Variants in EDARADD observed in about 807,000 individuals in gnomAD.
EDARADD encodes the protein EDAR associated via death domain.
A neutral mutation model predicts 25.6 loss-of-function variants in EDARADD; 20 were observed. That is an observed-to-expected ratio of 0.78 (90% CI 0.55 to 1.14). EDARADD has a LOEUF of 1.14. Ranked by LOEUF, EDARADD falls within the 50% of genes most tolerant of loss-of-function variation. The probability of loss-of-function intolerance (pLI) is 0.00; values close to 1 mark genes in which losing one functional copy is unlikely to be tolerated. For missense variants in EDARADD, 225 were observed against 270.1 expected, an observed-to-expected ratio of 0.83 and a Z score of 1.17; for synonymous variants, 86 against 94.4, an observed-to-expected ratio of 0.91 and a Z score of 0.52.
intron 3 of EDARADD, among the ~76,000 whole-genome samples, chr1:236,363,004 AAAATATAT>A (rs1378599201): frequency 1.9e-4 from 11 of 58,408 alleles, no homozygotes; most frequent in East Asian, 1.7e-3. Context: ...AAAAAAAAAA[AAAATATAT>A]ATATATATAT....
intron 5 of EDARADD, among the ~76,000 whole-genome samples, chr1:236,474,543 C>T (rs1659451683): frequency 6.6e-6 from 1 of 152,204 alleles, no homozygotes; most frequent in Non-Finnish European, 1.5e-5. Flanking sequence ...CAACAACCCT[C>T]TCCTCTCCAA....
chr1:236,435,428 A>G (rs1020040613), intron 4 of EDARADD, among the ~76,000 whole-genome samples: 4 of 152,202 alleles, frequency 2.6e-5, no homozygotes, highest in Non-Finnish European at 1.5e-5. Flanking sequence ...TGTATCTTCA[A>G]TGCCTACTAC....
chr1:236,405,828 T>TC (rs1558112668), intron 1 of EDARADD, among the ~76,000 whole-genome samples: 4 of 28,998 alleles, frequency 1.4e-4, no homozygotes, highest in Admixed American at 3.8e-4. Context: ...TTCCTTTCCT[T>TC]CCTTCCTTCC....
intron 5 of EDARADD, among the ~76,000 whole-genome samples, chr1:236,471,426 T>C (rs77061245): frequency 1.3e-5 from 2 of 151,826 alleles, no homozygotes; most frequent in African/African-American, 4.8e-5. Context: ...CAGAAACTTA[T>C]ATTTTAAATA....
chr1:236,397,109 A>G (rs1667529841), intron 1 of EDARADD, among the ~76,000 whole-genome samples: 1 of 152,092 alleles, frequency 6.6e-6, no homozygotes, highest in Non-Finnish European at 1.5e-5. Flanking sequence ...CAGTGACCAC[A>G]GTGTGTAAAA....
chr1:236,460,432 C>T (rs1224840571), intron 4 of EDARADD, among the ~76,000 whole-genome samples: 1 of 152,086 alleles, frequency 6.6e-6, no homozygotes, highest in Non-Finnish European at 1.5e-5. Context: ...ACAATCCACC[C>T]ACCTTGGCCT....
rs192721624 is a variant in EDARADD, at chr1:236,379,954, G to A, written c.-6+29115G>A. Among the ~76,000 whole-genome samples the A allele has an allele frequency of 2.0e-4, 30 of 152,212 alleles. 1 individual carries two copies. The East Asian group carries it at 4.1e-3, about 21-fold the overall frequency. ...TATAACTTGCTTATTTTAAGTAGGC[G>A]TTTCTGCCACTAAAATTGCTGTGTT... On this transcript the variant is annotated intron_variant, in intron 3 of 7. Transcript: ENST00000439430.
intron 3 of EDARADD, among the ~76,000 whole-genome samples, chr1:236,375,856 C>T (rs1667218082): frequency 6.6e-6 from 1 of 150,440 alleles, no homozygotes; most frequent in Admixed American, 6.6e-5. Flanking sequence ...CACTGCATTC[C>T]AGCCTAAGTA....
intron 3 of EDARADD, among the ~76,000 whole-genome samples, chr1:236,374,287 TTCCTTCCC>T (rs1312055496): frequency 2.6e-4 from 34 of 129,348 alleles, no homozygotes; most frequent in African/African-American, 7.5e-4. Context: ...CCTCCCTTCC[TTCCTTCCC>T]TCCTTCCCTC....
At chr1:236,409,399 A>G (rs1657360311) in intron 2 of EDARADD, 125 bp downstream of exon 2, 1 of 722,422 alleles carries the variant, frequency 1.4e-6, no homozygotes, top group African/African-American at 1.8e-5. Flanking sequence ...AGATTTTTCT[A>G]AGATAACTGC....
intron 3 of EDARADD, among the ~76,000 whole-genome samples, chr1:236,421,185 G>A (rs73123268): frequency 0.044 from 6,522 of 147,086 alleles, 796 homozygotes; most frequent in African/African-American, 0.14. Flanking sequence ...AGTCCAGGAG[G>A]GGAGGACACT....
chr1:236,352,464 G>A (rs1666927665), intron 3 of EDARADD, among the ~76,000 whole-genome samples: 1 of 152,166 alleles, frequency 6.6e-6, no homozygotes, highest in East Asian at 1.9e-4. Flanking sequence ...CAGCATTTTG[G>A]GAGGTCTAGG....
rs2103001853 is a variant in EDARADD, at chr1:236,398,132, T to A, written c.61+3627T>A. On this transcript the variant is annotated intron_variant, in intron 1 of 5. Coordinates refer to ENST00000334232, the MANE Select transcript of EDARADD (RefSeq NM_145861.4). The surrounding 1 kb of genome is among the most constrained non-coding windows in gnomAD (Gnocchi z 4.1). ...CCATCTTTTATTTTATTTTTATTAT[T>A]ATTATTTTTCAAGATGGAGTCTCAC... Among the ~76,000 whole-genome samples the A allele has an allele frequency of 6.6e-6, 1 of 152,258 alleles. No individual in the cohort carries two copies. The highest frequency in any genetic ancestry group is 1.9e-4 in the East Asian group (1 of 5,186).
At chr1:236,369,640 G>A (rs147037457) in intron 3 of EDARADD, among the ~76,000 whole-genome samples, 8,806 of 152,046 alleles carry the variant, frequency 0.058, 836 homozygotes, top group African/African-American at 0.2. Context: ...TCAGGAGTTC[G>A]AGACCAGCCT....
rs1558112371 is a variant in EDARADD at position 236,405,769 on chromosome 1, CTTT to C, written c.62-3446_62-3444del. On this transcript the variant is annotated intron_variant, in intron 1 of 5. Coordinates refer to ENST00000334232, the MANE Select transcript of EDARADD (RefSeq NM_145861.4). ...TCTTTCTTTCTTTCTTTCTTTCTTT[CTTT>C]CTTTCTTTCTTTCTTTCTTTTCTTT... 2.1e-3 allele frequency among the ~76,000 whole-genome samples: 146 copies of C among 69,756 alleles called. 1 individual carries two copies. Among genetic ancestry groups the C allele is most frequent in the Admixed American group, 3.4e-3 (22 of 6,412 alleles). 45.8% of individuals were successfully genotyped at this position (69,756 alleles called of 152,430 possible). A position where few individuals can be genotyped will look rare whatever the true frequency, so the allele number is the denominator to read the frequency against.
intron 1 of EDARADD, among the ~76,000 whole-genome samples, chr1:236,402,343 G>T (rs898621959): frequency 6.6e-6 from 1 of 152,054 alleles, no homozygotes; most frequent in African/African-American, 2.4e-5. Flanking sequence ...AGCCAAGGTG[G>T]GTTCAGGAGT....
chr1:236,417,741 G>T (rs562311006), intron 3 of EDARADD, among the ~76,000 whole-genome samples: 7 of 151,874 alleles, frequency 4.6e-5, no homozygotes, highest in Admixed American at 4.6e-4. Context: ...TCACATTTTC[G>T]AGAGAAAAAT....
chr1:236,461,579 G>A (rs191798025), intron 4 of EDARADD, among the ~76,000 whole-genome samples: 1 of 152,326 alleles, frequency 6.6e-6, no homozygotes, highest in East Asian at 1.9e-4. Context: ...CAGGTAATGT[G>A]ATTCCAAAGA....
intron 3 of EDARADD, among the ~76,000 whole-genome samples, chr1:236,355,895 G>T: frequency 6.6e-6 from 1 of 151,912 alleles, no homozygotes; most frequent in East Asian, 1.9e-4. Context: ...TCCTGTCAGT[G>T]GATATTTGTC....
Sources: gnomAD v4.1 joint callset for allele counts (sites outside exome capture counted in the v4.1 genomes callset) on GRCh38, gnomAD v4.1.1 for gene constraint, Gnocchi (gnomAD v3.1) non-coding constraint, MANE v1.5 for transcripts, NCBI Gene and HGNC (gene_info 2026-07-23, HGNC 2026-07-21) for gene names.